The following CUBN variants were observed in gnomAD, a reference collection of about 807,000 sequenced individuals.
The protein encoded by CUBN is 460 kDa receptor.
CUBN carries 282 observed loss-of-function variants against 405.3 expected under a neutral mutation model. The observed-to-expected ratio is 0.70, with a 90% CI of 0.63 to 0.77. CUBN has a LOEUF of 0.77. CUBN is among the 30% of genes least tolerant of loss of function. CUBN has a pLI of 0.00. For synonymous variants in CUBN, 1,684 were observed against 1,617.0 expected, an observed-to-expected ratio of 1.04 and a Z score of -0.99; for missense variants, 4,514 against 4,475.2, an observed-to-expected ratio of 1.01 and a Z score of -0.25.
At chr10:16,962,910 C>A (rs936951870) in intron 31 of CUBN, among the ~76,000 whole-genome samples, 2 of 151,994 alleles carry the variant, frequency 1.3e-5, no homozygotes, top group African/African-American at 4.8e-5. Flanking sequence ...GGTAAGTCTG[C>A]GGGTGTGGAA....
chr10:16,983,151 T>G (rs1833323355), intron 30 of CUBN, among the ~76,000 whole-genome samples: 1 of 152,216 alleles, frequency 6.6e-6, no homozygotes, highest in Non-Finnish European at 1.5e-5. Flanking sequence ...GTTCAATGTC[T>G]TCTCTATGAC....
rs184750323 is a variant in CUBN at position 16,869,740 on chromosome 10, C to T, written c.9350G>A (p.Arg3117His). 35 of 1,614,024 alleles carry T rather than the reference C, an allele frequency of 2.2e-5. No homozygotes were observed. In the Admixed American group the frequency reaches 2.7e-4, roughly 12 times the overall value. Residue 3117 changes from arginine to histidine, a missense_variant, in exon 59 of 67, where the codon CGC becomes CAC. This residue lies in a region of CUBN where 1,186 missense variants were observed against 1,186.9 expected (regional missense o/e 1.00). Coordinates refer to ENST00000377833, the MANE Select transcript of CUBN (RefSeq NM_001081.4). Reference protein sequence around the residue: ...PLLGKFCGSKRPPNVKSSNNS... With the variant: ...PLLGKFCGSKHPPNVKSSNNS... Reference sequence around the variant, plus strand: ...ATTGCTGCTCTTCACATTTGGTGGGCGCTTGGAACCGCAGAATTTGCCAAG... The same window carrying T: ...ATTGCTGCTCTTCACATTTGGTGGGTGCTTGGAACCGCAGAATTTGCCAAG...
chr10:16,931,761 C>T (rs1842370392), intron 40 of CUBN, among the ~76,000 whole-genome samples: 1 of 152,100 alleles, frequency 6.6e-6, no homozygotes, highest in South Asian at 2.1e-4. Context: ...CAAAGCCACA[C>T]AGGAAAAAAG....
intron 56 of CUBN, among the ~76,000 whole-genome samples, chr10:16,879,723 T>G (rs1840614193): frequency 6.6e-6 from 1 of 152,216 alleles, no homozygotes; most frequent in African/African-American, 2.4e-5. Context: ...ATAGAGGTAG[T>G]AGTATGCTGG....
intron 27 of CUBN, among the ~76,000 whole-genome samples, chr10:17,033,114 TCCTTGAAAGA>T (rs1834819921): frequency 6.6e-6 from 1 of 152,106 alleles, no homozygotes; most frequent in African/African-American, 2.4e-5. Flanking sequence ...TCTGACCACA[TCCTTGAAAGA>T]CCTCCTGCTG....
chr10:16,998,204 G>C lies in CUBN; in HGVS notation c.4169-7689C>G, dbSNP rs1833787131. Among the ~76,000 whole-genome samples the C allele has an allele frequency of 2.6e-5, 4 of 152,046 alleles. No individual in the cohort carries two copies. The South Asian group carries it at 6.2e-4, about 24-fold the overall frequency. ...ATGCCTACCAGGAACCTGTGACTGT[G>C]ACCTTTTTGGAGGAAAGGGCCTTGG... On this transcript the variant is annotated intron_variant, in intron 28 of 66. Transcript: ENST00000377833.
rs1293316056 is a variant in CUBN, at chr10:16,824,497, G to A, written c.*478C>T. ...AGCTATATTCTATGTTCGAGAAAAT[G>A]TACAAATATTGATTCTGGTTTTTTT... On this transcript the variant is annotated 3_prime_UTR_variant, in exon 67 of 67. Coordinates refer to ENST00000377833, the MANE Select transcript of CUBN (RefSeq NM_001081.4). 5.9e-6 allele frequency: 1 copy of A among 168,940 alleles called. No individual in the cohort carries two copies. The highest frequency in any genetic ancestry group is 1.3e-5 in the Non-Finnish European group (1 of 77,020). The allele number at this position is 168,940 out of a possible 1,614,324, so 10.5% of individuals were successfully genotyped here. A position where few individuals can be genotyped will look rare whatever the true frequency, so the allele number is the denominator to read the frequency against.
rs1564519531 is a variant in CUBN, at chr10:17,111,012, C to T, written c.922G>A (p.Glu308Lys). The T allele has an allele frequency of 1.9e-6, 3 of 1,614,178 alleles. No homozygotes were observed. Among genetic ancestry groups the T allele is most frequent in the Non-Finnish European group, 2.5e-6 (3 of 1,180,022 alleles). ...GNGYICEDIN[E>K]CEINNGGCSV... ...CAGCCGCCGTTATTTATCTCACATTCATTGATATCTTCGCAAATATATCCA... is the reference window on the plus strand; with the variant it reads ...CAGCCGCCGTTATTTATCTCACATTTATTGATATCTTCGCAAATATATCCA... Residue 308 changes from glutamate (E) to lysine (K), a missense_variant, in exon 9 of 67, where the codon GAA becomes AAA. Physicochemically the swap from Glu to Lys is moderately conservative, Grantham distance 56. Coordinates refer to ENST00000377833, the MANE Select transcript of CUBN (RefSeq NM_001081.4).
At chr10:16,840,798 A>C (rs1214697406) in intron 61 of CUBN, 87 bp downstream of exon 61, 1 of 1,214,918 alleles carries the variant, frequency 8.2e-7, no homozygotes, top group African/African-American at 1.5e-5. Context: ...TTAACATTGA[A>C]ATTTCGATAT....
intron 31 of CUBN, among the ~76,000 whole-genome samples, chr10:16,959,547 G>A: frequency 6.6e-6 from 1 of 151,532 alleles, no homozygotes; most frequent in East Asian, 2.0e-4. Flanking sequence ...AGAATCACTT[G>A]AACCCAGGAG....
chr10:17,069,433 G>T (rs2172082), intron 19 of CUBN, among the ~76,000 whole-genome samples: 131,341 of 152,230 alleles, frequency 0.86, 56,924 homozygotes, highest in East Asian at 0.94. Flanking sequence ...GGCTGTACCA[G>T]TTTACATCTC....
rs1835067848 is a variant in CUBN, at chr10:17,043,935, C to T, written c.3721G>A (p.Gly1241Arg). ...SNSHLLTQLCGDEKPPLIRSS... is the reference protein window; with the variant it reads ...SNSHLLTQLCRDEKPPLIRSS... ...CGAATAAGAGGGGGTTTCTCATCCC[C>T]ACAAAGCTGAGTTAGCAGATGAGAG... The change falls in exon 26 of 67, where the codon GGG becomes AGG. Residue 1241 changes from glycine to arginine, a missense_variant. Coordinates refer to ENST00000377833, the MANE Select transcript of CUBN (RefSeq NM_001081.4). 2.5e-6 allele frequency: 4 copies of T among 1,613,608 alleles called. No individual in the cohort carries two copies. Among genetic ancestry groups the T allele is most frequent in the African/African-American group, 1.3e-5 (1 of 74,954 alleles).
At position 17,104,628 on chromosome 10, in the gene CUBN, A is replaced by G. The variant is rs371983091; in HGVS notation, c.1231-23T>C. On this transcript the variant is annotated intron_variant, in intron 11 of 66. Coordinates refer to ENST00000377833, the MANE Select transcript of CUBN (RefSeq NM_001081.4). ...GTCCTAAGGGGAAAAAAAACACATA[A>G]TACCATAAAACAAATGGATAGACAC... is the stretch of plus-strand genomic sequence containing the variant. The G allele has an allele frequency of 1.1e-5, 17 of 1,591,036 alleles. No individual in the cohort carries two copies. In the African/African-American group the frequency reaches 2.3e-4, roughly 22 times the overall value.
intron 3 of CUBN, among the ~76,000 whole-genome samples, chr10:17,127,337 C>T (rs1179637173): frequency 6.8e-6 from 1 of 146,848 alleles, no homozygotes; most frequent in Non-Finnish European, 1.5e-5. Context: ...ATGATCATAG[C>T]TCACTGCAGT....
At chr10:16,876,666 T>C (rs1425436663) in intron 57 of CUBN, among the ~76,000 whole-genome samples, 1 of 152,212 alleles carries the variant, frequency 6.6e-6, no homozygotes, top group Non-Finnish European at 1.5e-5. Context: ...CAAATGTCAA[T>C]TCTTCATTTG....
chr10:17,107,590 C>T (rs1274982207), intron 10 of CUBN, among the ~76,000 whole-genome samples: 8 of 149,480 alleles, frequency 5.4e-5, no homozygotes, highest in South Asian at 2.1e-4. Flanking sequence ...CTCCGCCTCC[C>T]GGGTTCACGC....
rs528387693 is a variant in CUBN, at chr10:17,004,536, T to C, written c.4169-14021A>G. On this transcript the variant is annotated intron_variant, in intron 28 of 66. Transcript: ENST00000377833. ...TGGTCTTTATCTGGGATTTCCTATC[T>C]ATGAATAATGGCACCACCATGCACC... Among the ~76,000 whole-genome samples, 10 of 152,326 alleles carry C rather than the reference T, an allele frequency of 6.6e-5. No homozygotes were observed. In the South Asian group the frequency reaches 1.2e-3, roughly 19 times the overall value.
intron 15 of CUBN, among the ~76,000 whole-genome samples, chr10:17,087,472 C>CTTTTTCTTTTTTTTTTTTTTTT (rs1554818134): frequency 2.8e-5 from 2 of 71,712 alleles, no homozygotes; most frequent in African/African-American, 9.5e-5. Context: ...TTTTCTTTTT[C>CTTTTTCTTTTTTTTTTTTTTTT]TTTTTTTTTT....
intron 40 of CUBN, among the ~76,000 whole-genome samples, chr10:16,928,922 G>A (rs913795320): frequency 6.6e-6 from 1 of 151,846 alleles, no homozygotes; most frequent in Admixed American, 6.6e-5. Flanking sequence ...GGAAGCGATG[G>A]AGACCCAGTG....
Sources: allele counts gnomAD v4.1 joint callset (sites outside exome capture counted in the v4.1 genomes callset), GRCh38; gene constraint gnomAD v4.1.1; regional missense constraint gnomAD v4.1.1; transcripts MANE v1.5; gene names NCBI Gene and HGNC (gene_info 2026-07-23, HGNC 2026-07-21).